The following PALM2AKAP2 variants were observed in gnomAD, a reference collection of about 807,000 sequenced individuals.
PALM2AKAP2 encodes PALM2 and AKAP2 fusion, also known as PALM2-AKAP2 fusion protein.
PALM2AKAP2 carries 37 observed loss-of-function variants against 71.5 expected under a neutral mutation model. The observed-to-expected ratio is 0.52, with a 90% confidence interval of 0.40 to 0.68. PALM2AKAP2 has a LOEUF of 0.68. Among genes scored for constraint, PALM2AKAP2 ranks in the 30% least tolerant of loss-of-function variants. The probability of loss-of-function intolerance (pLI) is 0.00; values close to 1 mark genes in which losing one functional copy is unlikely to be tolerated. For synonymous variants in PALM2AKAP2, 468 were observed against 478.8 expected, an observed-to-expected ratio of 0.98 and a Z score of 0.29; for missense variants, 1,224 against 1,191.8, an observed-to-expected ratio of 1.03 and a Z score of -0.40.
At chr9:109,987,136 T>C (rs1032232799) in intron 6 of PALM2AKAP2, among the ~76,000 whole-genome samples, 1 of 152,146 alleles carries the variant, frequency 6.6e-6, no homozygotes, top group Non-Finnish European at 1.5e-5. Flanking sequence ...TATTCTTTTC[T>C]TTTCTTTTTT....
chr9:109,722,437 G>A (rs1828419200), intron 1 of PALM2AKAP2, among the ~76,000 whole-genome samples: 1 of 152,120 alleles, frequency 6.6e-6, no homozygotes, highest in African/African-American at 2.4e-5. Context: ...TATGCTATGG[G>A]GACTTTTGAT....
chr9:110,056,425 A>G (rs1174969686), intron 1 of PALM2AKAP2, among the ~76,000 whole-genome samples: 1 of 152,218 alleles, frequency 6.6e-6, no homozygotes, highest in Non-Finnish European at 1.5e-5. Context: ...GACTTTCCCA[A>G]AGGAATAAAT....
upstream of PALM2AKAP2, among the ~76,000 whole-genome samples, chr9:109,777,756 C>T (rs1053309172): frequency 1.3e-5 from 2 of 152,240 alleles, no homozygotes; most frequent in African/African-American, 2.4e-5. Context: ...AACCTCTTTC[C>T]TTCTTTGTGG....
chr9:110,139,067 C>T (rs1280650131), intron 2 of PALM2AKAP2, among the ~76,000 whole-genome samples: 6 of 152,174 alleles, frequency 3.9e-5, no homozygotes, highest in Admixed American at 6.5e-5. Context: ...GTTCATCTTC[C>T]GTGTAACTGG....
rs541964110 is a variant in PALM2AKAP2, at chr9:109,772,802, T to G, written c.6-7686T>G. 2.0e-5 allele frequency among the ~76,000 whole-genome samples: 3 copies of G among 152,328 alleles called. No homozygotes were observed. The East Asian group carries it at 5.8e-4, about 29-fold the overall frequency. On this transcript the variant is annotated intron_variant, in intron 1 of 6. Transcript: ENST00000374531. ...AGCACAACCTTTTCTCCCGGTGCAC[T>G]GAGTCTACAGTGGCTATAGAATGTT...
At chr9:109,799,699 T>G (rs1193797178) in intron 1 of PALM2AKAP2, among the ~76,000 whole-genome samples, 1 of 152,210 alleles carries the variant, frequency 6.6e-6, no homozygotes, top group Non-Finnish European at 1.5e-5. Flanking sequence ...TTTCACCATG[T>G]TCCCAGGCTT....
chr9:109,967,411 CTT>C lies in PALM2AKAP2; in HGVS notation c.496+35398_496+35399del, dbSNP rs561453860. 5.6e-4 allele frequency among the ~76,000 whole-genome samples: 80 copies of C among 141,874 alleles called. 1 individual carries two copies. Among genetic ancestry groups the C allele is most frequent in the Admixed American group, 8.5e-4 (12 of 14,184 alleles). The allele number at this position is 141,874 out of a possible 152,430, so 93.1% of individuals were successfully genotyped here. On this transcript the variant is annotated intron_variant, in intron 6 of 9. Coordinates refer to the PALM2AKAP2 transcript ENST00000302798. Reference sequence around the variant, plus strand: ...AGGGTAGCGCAGTGAGACTCCGTGTCTTTTTTTTTTTTTTTTGAGACAGAGTT... The same window carrying C: ...AGGGTAGCGCAGTGAGACTCCGTGTCTTTTTTTTTTTTTTGAGACAGAGTT...
In PALM2AKAP2 at chr9:109,738,722, T is replaced by C. The variant is rs1300309974; in HGVS notation, c.6-41766T>C. 3.3e-5 allele frequency among the ~76,000 whole-genome samples: 5 copies of C among 152,356 alleles called. No homozygotes were observed. In the South Asian group the frequency reaches 1.0e-3, roughly 32 times the overall value. On this transcript the variant is annotated intron_variant, in intron 1 of 6. Transcript: ENST00000374531. ...TCCAAAGAGTTGAGAATCCTCAGACTCTTTACACCATGCCCAGAGATACTA... is the reference window on the plus strand; with the variant it reads ...TCCAAAGAGTTGAGAATCCTCAGACCCTTTACACCATGCCCAGAGATACTA...
At chr9:109,796,793 C>T (rs1487667253) in intron 1 of PALM2AKAP2, among the ~76,000 whole-genome samples, 2 of 152,114 alleles carry the variant, frequency 1.3e-5, no homozygotes, top group African/African-American at 4.8e-5. Context: ...AGAAACTGCC[C>T]CCATGATCCA....
At chr9:110,048,874 G>C in intron 1 of PALM2AKAP2, 1 of 1,525,390 alleles carries the variant, frequency 6.6e-7, no homozygotes, top group Non-Finnish European at 8.8e-7. Flanking sequence ...CCAAGCTGGG[G>C]AGGGGAGGGG....
At chr9:110,118,476 G>A (rs1217989956) in intron 1 of PALM2AKAP2, among the ~76,000 whole-genome samples, 1 of 152,126 alleles carries the variant, frequency 6.6e-6, no homozygotes, top group Non-Finnish European at 1.5e-5. Context: ...TCAAGCTCCT[G>A]TCCTTAAGTG....
intron 1 of PALM2AKAP2, among the ~76,000 whole-genome samples, chr9:110,091,730 G>A (rs565869659): frequency 9.0e-4 from 137 of 152,156 alleles, no homozygotes; most frequent in African/African-American, 3.2e-3. Context: ...CCAAAGTGCC[G>A]GGATTACAGG....
intron 1 of PALM2AKAP2, among the ~76,000 whole-genome samples, chr9:109,729,560 T>C (rs557248825): frequency 2.6e-5 from 4 of 152,322 alleles, no homozygotes; most frequent in Admixed American, 2.0e-4. Flanking sequence ...GATTAATTAA[T>C]TGAAGAAATA....
chr9:110,016,161 C>A, intron 7 of PALM2AKAP2, 122 bp downstream of exon 7: 1 of 974,290 alleles, frequency 1.0e-6, no homozygotes, highest in South Asian at 1.4e-5. Context: ...TCTCTCTCTA[C>A]TCACTGAGGT....
In PALM2AKAP2 at chr9:109,698,272, A is replaced by T. The variant is rs369823147; in HGVS notation, c.5+57406A>T. On this transcript the variant is annotated intron_variant, in intron 1 of 6. Coordinates refer to the PALM2AKAP2 transcript ENST00000374531. ...TACCCTTCACCTGCATGTGTGCTAC[A>T]TTTTTTTTTTTTTTTTTTTTTTGAG... 3.4e-3 allele frequency among the ~76,000 whole-genome samples: 406 copies of T among 118,486 alleles called. 1 individual carries two copies. The highest frequency in any genetic ancestry group is 9.8e-3 in the African/African-American group (284 of 28,950). 77.7% of individuals were successfully genotyped at this position (118,486 alleles called of 152,430 possible).
At chr9:110,043,180 T>A (rs373797082) in intron 7 of PALM2AKAP2, among the ~76,000 whole-genome samples, 86 of 152,328 alleles carry the variant, frequency 5.6e-4, no homozygotes, top group African/African-American at 2.0e-3. Context: ...AACTCACACA[T>A]AAACCCCTTC....
intron 7 of PALM2AKAP2, among the ~76,000 whole-genome samples, chr9:110,021,650 A>T (rs970913016): frequency 2.0e-5 from 3 of 151,894 alleles, no homozygotes; most frequent in Non-Finnish European, 4.4e-5. Context: ...TATATTTATC[A>T]TCCTTCACTG....
chr9:110,088,834 C>T lies in PALM2AKAP2; in HGVS notation c.156+39979C>T, dbSNP rs1034743102. The stretch of plus-strand genomic sequence containing the variant: ...TCCCGGGTTCAAGAAATTCTCCTGT[C>T]TCAGCCTCCCAAGTAGCTGGGAATA... On this transcript the variant is annotated intron_variant, in intron 1 of 3. Transcript: ENST00000374525. Among the ~76,000 whole-genome samples, 9 of 146,738 alleles carry T rather than the reference C, an allele frequency of 6.1e-5. No individual in the cohort carries two copies. In the East Asian group the frequency reaches 1.7e-3, roughly 28 times the overall value.
At chr9:109,964,634 G>T (rs12001487) in intron 6 of PALM2AKAP2, among the ~76,000 whole-genome samples, 1 of 152,096 alleles carries the variant, frequency 6.6e-6, no homozygotes, top group African/African-American at 2.4e-5. Flanking sequence ...TGGCTTGCCT[G>T]CCTACCACCT....
Sources: allele counts gnomAD v4.1 joint callset (sites outside exome capture counted in the v4.1 genomes callset), GRCh38; gene constraint gnomAD v4.1.1; transcripts MANE v1.5; gene names NCBI Gene and HGNC (gene_info 2026-07-23, HGNC 2026-07-21).